STXBP5L: variants seen among roughly 807,000 people sequenced by gnomAD.
STXBP5L encodes the protein syntaxin binding protein 5L.
Under a neutral mutation model 144.5 loss-of-function variants are expected in STXBP5L, and 65 were observed. That is an observed-to-expected ratio of 0.45 (90% CI 0.37 to 0.55). The LOEUF (loss-of-function observed/expected upper bound fraction) is 0.55, where lower values mean the gene tolerates loss of function less well. Ranked by LOEUF, STXBP5L falls within the 20% of genes least tolerant of loss-of-function variation. STXBP5L has a pLI of 0.00. For synonymous variants in STXBP5L, 505 were observed against 469.6 expected, an observed-to-expected ratio of 1.08 and a Z score of -0.97; for missense variants, 1,298 against 1,405.5, an observed-to-expected ratio of 0.92 and a Z score of 1.22.
chr3:121,039,785 C>T (rs1947019145), intron 3 of STXBP5L, among the ~76,000 whole-genome samples: 2 of 151,876 alleles, frequency 1.3e-5, no homozygotes, highest in African/African-American at 4.8e-5. Flanking sequence ...ACTAATTAGG[C>T]CATTTGACAT....
At chr3:121,145,459 C>G (rs1442477115) in intron 7 of STXBP5L, among the ~76,000 whole-genome samples, 2 of 151,932 alleles carry the variant, frequency 1.3e-5, no homozygotes, top group African/African-American at 4.8e-5. Context: ...GAATTCTATA[C>G]TCTACAAAAA....
At chr3:121,179,427 A>G (rs1327960689) in intron 9 of STXBP5L, among the ~76,000 whole-genome samples, 1 of 152,226 alleles carries the variant, frequency 6.6e-6, no homozygotes, top group Non-Finnish European at 1.5e-5. Context: ...AAAATACCGT[A>G]CATAAACAGT....
At chr3:120,995,467 C>T (rs9871852) in intron 3 of STXBP5L, among the ~76,000 whole-genome samples, 2 of 151,888 alleles carry the variant, frequency 1.3e-5, no homozygotes, top group Non-Finnish European at 2.9e-5. Flanking sequence ...TTTTCTTGTT[C>T]TTCTGTTTCT....
intron 9 of STXBP5L, among the ~76,000 whole-genome samples, chr3:121,196,434 C>G (rs77672636): frequency 2.0e-5 from 3 of 151,958 alleles, no homozygotes. Flanking sequence ...CCACCGCACC[C>G]GGCAATATTA....
chr3:121,151,093 CAA>C (rs1040475397), intron 7 of STXBP5L, among the ~76,000 whole-genome samples: 2 of 135,742 alleles, frequency 1.5e-5, no homozygotes. Context: ...TCCTCTGTCT[CAA>C]AAAAAAAAAG....
intron 19 of STXBP5L, among the ~76,000 whole-genome samples, chr3:121,291,667 G>T (rs2051444935): frequency 6.6e-6 from 1 of 152,096 alleles, no homozygotes; most frequent in South Asian, 2.1e-4. Flanking sequence ...ACACTACAAG[G>T]CTATCGTTAC....
At chr3:121,040,297 T>G (rs79545868) in intron 3 of STXBP5L, among the ~76,000 whole-genome samples, 5 of 152,104 alleles carry the variant, frequency 3.3e-5, no homozygotes, top group Non-Finnish European at 7.4e-5. Context: ...TTTTAAGTAC[T>G]GCTAAGCAGA....
At chr3:120,969,710 G>C (rs1358201754) in intron 3 of STXBP5L, among the ~76,000 whole-genome samples, 1 of 151,868 alleles carries the variant, frequency 6.6e-6, no homozygotes, top group Non-Finnish European at 1.5e-5. Context: ...ATATTGACTT[G>C]ATTTTTGTGT....
At chr3:121,096,193 C>G (rs765411740) in intron 5 of STXBP5L, among the ~76,000 whole-genome samples, 1 of 152,208 alleles carries the variant, frequency 6.6e-6, no homozygotes, top group African/African-American at 2.4e-5. Flanking sequence ...CTGCATCACT[C>G]ATGCTGGGAG....
chr3:121,079,367 C>G (rs2107687108), intron 5 of STXBP5L, among the ~76,000 whole-genome samples: 1 of 152,306 alleles, frequency 6.6e-6, no homozygotes, highest in South Asian at 2.1e-4. Flanking sequence ...TGCAGCCATG[C>G]AGGAACTCAC....
chr3:121,308,599 T>A (rs1394516753), intron 19 of STXBP5L, among the ~76,000 whole-genome samples: 1 of 152,188 alleles, frequency 6.6e-6, no homozygotes, highest in Non-Finnish European at 1.5e-5. Flanking sequence ...TTAAATACAT[T>A]TGTCAGTAAG....
intron 3 of STXBP5L, among the ~76,000 whole-genome samples, chr3:120,994,389 G>A (rs1175613329): frequency 3.9e-5 from 6 of 152,006 alleles, no homozygotes; most frequent in Non-Finnish European, 5.9e-5. Context: ...AAGGCTGTCA[G>A]CATTTCCACA....
intron 20 of STXBP5L, 78 bp downstream of exon 20, chr3:121,318,618 A>G: frequency 1.9e-6 from 2 of 1,056,864 alleles, no homozygotes; most frequent in Non-Finnish European, 1.3e-6. Context: ...GATCTTTATA[A>G]TGTGAAATTT....
chr3:121,320,509 A>G (rs1328654664), intron 20 of STXBP5L, among the ~76,000 whole-genome samples: 2 of 151,996 alleles, frequency 1.3e-5, no homozygotes, highest in Non-Finnish European at 2.9e-5. Flanking sequence ...TGTTGAATAG[A>G]TGTGGTATAA....
intron 8 of STXBP5L, among the ~76,000 whole-genome samples, chr3:121,156,776 A>G (rs2046129381): frequency 6.6e-6 from 1 of 152,010 alleles, no homozygotes; most frequent in South Asian, 2.1e-4. Context: ...AAGACAGTAT[A>G]GTATAACTAC....
intron 5 of STXBP5L, among the ~76,000 whole-genome samples, chr3:121,071,467 GT>G (rs2041809289): frequency 6.6e-6 from 1 of 152,150 alleles, no homozygotes; most frequent in South Asian, 2.1e-4. Context: ...CAGTGACTTG[GT>G]TTCACTGCAG....
chr3:121,160,268 T>G (rs973254472), intron 9 of STXBP5L, among the ~76,000 whole-genome samples: 3 of 152,134 alleles, frequency 2.0e-5, no homozygotes, highest in African/African-American at 7.2e-5. Flanking sequence ...CATTTTTGCT[T>G]TATTTATTTT....
At chr3:121,192,659 A>G (rs528690911) in intron 9 of STXBP5L, among the ~76,000 whole-genome samples, 8 of 152,230 alleles carry the variant, frequency 5.3e-5, no homozygotes, top group Admixed American at 3.9e-4. Flanking sequence ...GGCCTCAGAA[A>G]TAACACCACA....
chr3:121,085,194 T>C (rs1284944543), intron 5 of STXBP5L, among the ~76,000 whole-genome samples: 1 of 152,220 alleles, frequency 6.6e-6, no homozygotes, highest in Non-Finnish European at 1.5e-5. Flanking sequence ...ATAGTTTCTT[T>C]TGCTGTGCAG....
Sources: gnomAD v4.1 joint callset for allele counts (sites outside exome capture counted in the v4.1 genomes callset) on GRCh38, gnomAD v4.1.1 for gene constraint, MANE v1.5 for transcripts, NCBI Gene and HGNC (gene_info 2026-07-23, HGNC 2026-07-21) for gene names.